Variants in UBR7 observed in about 807,000 individuals in gnomAD.
UBR7 encodes the protein putative E3 ubiquitin-protein ligase UBR7.
In UBR7, 22 loss-of-function variants were observed where a neutral mutation model predicts 57.0. The observed-to-expected ratio is 0.39, with a 90% CI of 0.28 to 0.55. The LOEUF is 0.55. UBR7 is among the 20% of genes least tolerant of loss of function. The pLI, the probability that UBR7 is intolerant of heterozygous loss-of-function variation, is 0.69. For missense variants in UBR7, 395 were observed against 513.2 expected (o/e 0.77, Z 2.23); for synonymous variants, 167 against 179.8 (o/e 0.93, Z 0.57).
chr14:93,223,642 G>C, intron 10 of UBR7: 1 of 1,382,290 alleles, frequency 7.2e-7, no homozygotes, highest in Non-Finnish European at 1.0e-6. Context: ...CGTGGCTTGG[G>C]CTGACGGGCA....
At position 93,227,488 on chromosome 14, in the gene UBR7, G is replaced by A; in HGVS notation, c.*453G>A. ...CAGGTCCCCTCGCCCCTATGATCGT[G>A]GTGCCTTGGGTCAAAGCTTCCTCAA... On this transcript the variant is annotated 3_prime_UTR_variant, in exon 11 of 11. Coordinates refer to ENST00000013070, the MANE Select transcript of UBR7 (RefSeq NM_175748.4). 2 of 694,748 alleles carry A rather than the reference G, an allele frequency of 2.9e-6. No homozygotes were observed. Among genetic ancestry groups the A allele is most frequent in the Non-Finnish European group, 5.2e-6 (2 of 381,566 alleles). 43.0% of individuals were successfully genotyped at this position (694,748 alleles called of 1,614,324 possible).
In UBR7 at chr14:93,212,148, A is replaced by G. The variant is rs143622904; in HGVS notation, c.441+21A>G. On this transcript the variant is annotated intron_variant, in intron 4 of 10. Coordinates refer to ENST00000013070, the MANE Select transcript of UBR7 (RefSeq NM_175748.4). ...ACGAGGTAAGAGAATTGGAAGTTAA[A>G]CCTGGGGGTGTGTCCCCTCTAGCCT... 309 of 1,579,460 alleles carry G rather than the reference A, an allele frequency of 2.0e-4. 2 individuals carry two copies. The highest frequency in any genetic ancestry group is 2.4e-4 in the Non-Finnish European group (273 of 1,153,224).
At chr14:93,223,709 C>G in intron 10 of UBR7, 1 of 945,048 alleles carries the variant, frequency 1.1e-6, no homozygotes, top group Non-Finnish European at 1.7e-6. Flanking sequence ...GCTTGATGGC[C>G]GGCCGGCTGG....
At chr14:93,219,115 AT>A in intron 7 of UBR7, 96 bp from the exon 8 acceptor site, 1 of 1,428,424 alleles carries the variant, frequency 7.0e-7, no homozygotes, top group South Asian at 1.3e-5. Flanking sequence ...TTGGATTTCA[AT>A]TTTATCCTTT....
In UBR7 at chr14:93,228,670, T is replaced by A. The variant is rs1894922240; in HGVS notation, c.*1635T>A. ...TGTGCAGAGGGCTCCGTTCAAAGGC[T>A]CGGGGTGTCTTTGAGGTTGTTTATC... On this transcript the variant is annotated 3_prime_UTR_variant, in exon 11 of 11. Transcript: ENST00000013070. 1 of 453,980 alleles carries A rather than the reference T, an allele frequency of 2.2e-6. No individual in the cohort carries two copies. The highest frequency in any genetic ancestry group is 2.0e-5 in the African/African-American group (1 of 50,006). 28.1% of individuals were successfully genotyped at this position (453,980 alleles called of 1,614,324 possible). A position where few individuals can be genotyped will look rare whatever the true frequency, so the allele number is the denominator to read the frequency against.
chr14:93,219,016 C>T (rs145518797), intron 7 of UBR7, among the ~76,000 whole-genome samples, 196 bp from the exon 8 acceptor site: 2,418 of 151,618 alleles, frequency 0.016, 27 homozygotes, highest in South Asian at 0.054. Context: ...GATCATGCCA[C>T]TGCACTCTAG....
chr14:93,223,789 G>C, intron 10 of UBR7: 1 of 738,114 alleles, frequency 1.4e-6, no homozygotes, highest in South Asian at 1.4e-5. Context: ...GCGGTGCCAG[G>C]CGCCCATAGA....
intron 5 of UBR7, 78 bp downstream of exon 5, chr14:93,215,060 T>C: frequency 6.9e-7 from 1 of 1,441,198 alleles, no homozygotes; most frequent in Non-Finnish European, 9.6e-7. Context: ...ATAATTAGTC[T>C]TCTAAAAATA....
Position 93,207,278 on chromosome 14 carries a change from G to T in UBR7, c.-14G>T. Reference sequence around the variant, plus strand: ...TCCGCCGGGGCCGAGCCGCTGTTCGGCTGACAGTTGAGGATGGCCGGAGCC... The same window carrying T: ...TCCGCCGGGGCCGAGCCGCTGTTCGTCTGACAGTTGAGGATGGCCGGAGCC... On this transcript the variant is annotated 5_prime_UTR_variant, in exon 1 of 11. Coordinates refer to ENST00000013070, the MANE Select transcript of UBR7 (RefSeq NM_175748.4). The T allele has an allele frequency of 3.2e-6, 5 of 1,552,248 alleles. No homozygotes were observed. Among genetic ancestry groups the T allele is most frequent in the East Asian group, 2.4e-5 (1 of 41,114 alleles).
At chr14:93,215,099 T>TA in intron 5 of UBR7, 77 bp from the exon 6 acceptor site, 1 of 1,432,904 alleles carries the variant, frequency 7.0e-7, no homozygotes, top group South Asian at 1.2e-5. Context: ...AGTGTATTAT[T>TA]ACAGTATTTA....
chr14:93,213,615 G>A (rs1894535466), intron 4 of UBR7, among the ~76,000 whole-genome samples: 1 of 151,812 alleles, frequency 6.6e-6, no homozygotes, highest in African/African-American at 2.4e-5. Flanking sequence ...CCAAAGAATA[G>A]TATCTTAAAT....
At chr14:93,224,924 C>A (rs201122322) in intron 10 of UBR7, among the ~76,000 whole-genome samples, 7 of 40,138 alleles carry the variant, frequency 1.7e-4, no homozygotes, top group East Asian at 0.01. Flanking sequence ...GGTCGGTTTT[C>A]TTTATTTTAT....
chr14:93,225,256 G>C (rs1430410893), intron 10 of UBR7, among the ~76,000 whole-genome samples: 4 of 151,926 alleles, frequency 2.6e-5, no homozygotes, highest in Non-Finnish European at 4.4e-5. Flanking sequence ...ATGTTAATAA[G>C]TTCTAGCTGT....
At chr14:93,210,917 T>G (rs1894469211) in intron 3 of UBR7, among the ~76,000 whole-genome samples, 2 of 152,152 alleles carry the variant, frequency 1.3e-5, no homozygotes. Flanking sequence ...TATGAAAGGT[T>G]TGGGGGAGAG....
rs1295142316 is a variant in UBR7 at position 93,229,167 on chromosome 14, TAACTC to T, written c.*2133_*2137del. 1.2e-5 allele frequency: 4 copies of T among 338,070 alleles called. No individual in the cohort carries two copies. Among genetic ancestry groups the T allele is most frequent in the South Asian group, 4.8e-5 (2 of 41,648 alleles). 20.9% of individuals were successfully genotyped at this position (338,070 alleles called of 1,614,324 possible). ...GTTACTGGACTTATAATTACATACT[TAACTC>T]TGATCAGGTTTCTGTAAAATTTAAA... On this transcript the variant is annotated 3_prime_UTR_variant, in exon 11 of 11. Coordinates refer to ENST00000013070, the MANE Select transcript of UBR7 (RefSeq NM_175748.4).
At chr14:93,211,929 G>C in intron 3 of UBR7, 103 bp from the exon 4 acceptor site, 1 of 919,464 alleles carries the variant, frequency 1.1e-6, no homozygotes, top group African/African-American at 1.7e-5. Flanking sequence ...CAGCCTCTTG[G>C]GGGAAATAAT....
chr14:93,217,020 A>T (rs983834910), intron 6 of UBR7, among the ~76,000 whole-genome samples: 4 of 150,978 alleles, frequency 2.6e-5, no homozygotes, highest in African/African-American at 9.7e-5. Flanking sequence ...TGTAGTTCTC[A>T]TTCATTGGGT....
At chr14:93,209,282 GT>G (rs1230889362) in intron 1 of UBR7, among the ~76,000 whole-genome samples, 1 of 152,206 alleles carries the variant, frequency 6.6e-6, no homozygotes, top group Non-Finnish European at 1.5e-5. Flanking sequence ...TTCTTTGCAT[GT>G]GTTGATTCTT....
chr14:93,210,799 A>G, intron 3 of UBR7, 91 bp downstream of exon 3: 1 of 1,121,052 alleles, frequency 8.9e-7, no homozygotes, highest in Non-Finnish European at 1.3e-6. Context: ...TGTATTTTCC[A>G]AAAAAAGAAG....
Sources: allele counts gnomAD v4.1 joint callset (sites outside exome capture counted in the v4.1 genomes callset), GRCh38; gene constraint gnomAD v4.1.1; transcripts MANE v1.5; gene names NCBI Gene and HGNC (gene_info 2026-07-23, HGNC 2026-07-21).